The following NAA35 variants were observed in gnomAD, a reference collection of about 807,000 sequenced individuals.
The protein encoded by NAA35 is MAK10 homolog, amino-acid N-acetyltransferase subunit.
NAA35 carries 18 observed loss-of-function variants against 101.7 expected under a neutral mutation model. The ratio of observed to expected loss-of-function variants is 0.18; its 90% confidence interval spans 0.12 to 0.26. NAA35 has a LOEUF of 0.26. Ranked by LOEUF, NAA35 falls within the 10% of genes least tolerant of loss-of-function variation. NAA35 has a pLI of 1.00. For missense variants in NAA35, 601 were observed against 886.8 expected, an observed-to-expected ratio of 0.68 and a Z score of 4.09; for synonymous variants, 267 against 273.1, an observed-to-expected ratio of 0.98 and a Z score of 0.22.
chr9:86,006,776 A>G (rs1294486753), intron 13 of NAA35, among the ~76,000 whole-genome samples: 1 of 152,202 alleles, frequency 6.6e-6, no homozygotes, highest in Admixed American at 6.5e-5. Flanking sequence ...TAACTGTACA[A>G]CAAACATGTA....
intron 6 of NAA35, among the ~76,000 whole-genome samples, chr9:85,963,523 C>T (rs1469378578): frequency 6.6e-6 from 1 of 151,998 alleles, no homozygotes; most frequent in East Asian, 1.9e-4. Context: ...CCTGCCTCAG[C>T]CTCCCAAAGT....
intron 11 of NAA35, among the ~76,000 whole-genome samples, chr9:85,985,083 G>A (rs1830592691): frequency 6.6e-6 from 1 of 152,192 alleles, no homozygotes; most frequent in Admixed American, 6.5e-5. Flanking sequence ...TCAGGGAAAT[G>A]CAAATCAAAA....
At position 86,001,838 on chromosome 9, in the gene NAA35, T is replaced by A. The variant is rs574866847; in HGVS notation, c.1057-1747T>A. 1.2e-3 allele frequency among the ~76,000 whole-genome samples: 189 copies of A among 152,288 alleles called. 4 individuals carry two copies. The South Asian group carries it at 0.033, about 27-fold the overall frequency. On this transcript the variant is annotated intron_variant, in intron 12 of 22. Coordinates refer to ENST00000361671, the MANE Select transcript of NAA35 (RefSeq NM_024635.4). ...TTTTTATCCAGCTTGTCACTCTGTT[T>A]CTTAAGTGGGCCATTTAGCCCGTTT...
chr9:86,017,424 G>C, intron 18 of NAA35, 74 bp from the exon 19 acceptor site: 1 of 1,357,770 alleles, frequency 7.4e-7, no homozygotes, highest in Non-Finnish European at 1.0e-6. Context: ...TTTAAAATTA[G>C]ATTTTCTTTT....
At chr9:85,941,581 G>T (rs985769476) in intron 1 of NAA35, 18 of 986,002 alleles carry the variant, frequency 1.8e-5, no homozygotes, top group Non-Finnish European at 2.2e-5. Context: ...GGGCAGGGCG[G>T]AAGGGAAGCG....
chr9:85,995,615 A>G (rs1307680655), intron 11 of NAA35, among the ~76,000 whole-genome samples: 1 of 152,114 alleles, frequency 6.6e-6, no homozygotes, highest in Non-Finnish European at 1.5e-5. Context: ...CTTTAATTTT[A>G]TCTTTAATTG....
chr9:85,976,639 A>G, intron 8 of NAA35, 46 bp from the exon 9 acceptor site: 1 of 1,382,340 alleles, frequency 7.2e-7, no homozygotes, highest in East Asian at 2.4e-5. Flanking sequence ...TTGTAATGTA[A>G]TATTTTTTCA....
At chr9:86,014,130 A>G (rs530267220) in intron 17 of NAA35, among the ~76,000 whole-genome samples, 2 of 152,334 alleles carry the variant, frequency 1.3e-5, no homozygotes, top group African/African-American at 4.8e-5. Flanking sequence ...AATGACTCCA[A>G]AGTAAATGGA....
chr9:85,981,205 C>A (rs1402327941), intron 11 of NAA35, among the ~76,000 whole-genome samples: 2 of 151,974 alleles, frequency 1.3e-5, no homozygotes, highest in African/African-American at 2.4e-5. Context: ...GCATTCTGTA[C>A]CATAGGACAT....
chr9:85,956,836 G>A (rs113357140), intron 3 of NAA35, among the ~76,000 whole-genome samples: 16 of 152,198 alleles, frequency 1.1e-4, no homozygotes, highest in African/African-American at 3.9e-4. Context: ...ATACAATTCT[G>A]ATGACTGGAA....
intron 2 of NAA35, 128 bp downstream of exon 2, chr9:85,942,411 T>G: frequency 6.5e-6 from 8 of 1,235,854 alleles, no homozygotes; most frequent in Non-Finnish European, 9.1e-6. Flanking sequence ...TTAGCCACAC[T>G]TATTCTGTAT....
At chr9:85,966,367 A>G (rs912914564) in intron 6 of NAA35, among the ~76,000 whole-genome samples, 26 of 152,202 alleles carry the variant, frequency 1.7e-4, no homozygotes, top group African/African-American at 6.3e-4. Context: ...ATACAAAGAT[A>G]AGACAATTTT....
rs1564329021 is a variant in NAA35, at chr9:86,016,641, C to A, written c.1671C>A (p.Gly557=). ...GGATAATGGAAGAGCAGCAGAAAGG[C>A]CGTAGTAGTAAAAAAACAAAGAAAA... The part of the protein sequence containing the change: ...EERIMEEQQK[G]RSSKKTKKKK... Residue 557 remains glycine (G), a synonymous_variant, in exon 18 of 23, where the codon GGC becomes GGA. Transcript: ENST00000361671. The A allele has an allele frequency of 1.2e-6, 2 of 1,613,440 alleles. No homozygotes were observed. Among genetic ancestry groups the A allele is most frequent in the Non-Finnish European group, 1.7e-6 (2 of 1,179,902 alleles).
At position 86,024,294 on chromosome 9, in the gene NAA35, G is replaced by A. The variant is rs1407295514; in HGVS notation, c.*2334G>A. ...CCCAGACAGAATGTGCACAGGCTTG[G>A]AGGGGAGAGGGTAGCAGCCTGGCCG... On this transcript the variant is annotated 3_prime_UTR_variant, in exon 23 of 23. Coordinates refer to ENST00000361671, the MANE Select transcript of NAA35 (RefSeq NM_024635.4). Among the ~76,000 whole-genome samples, 1 of 152,224 alleles carries A rather than the reference G, an allele frequency of 6.6e-6. No individual in the cohort carries two copies. The highest frequency in any genetic ancestry group is 1.5e-5 in the Non-Finnish European group (1 of 68,050).
At chr9:85,952,434 C>T (rs1332451087) in intron 2 of NAA35, among the ~76,000 whole-genome samples, 2 of 151,826 alleles carry the variant, frequency 1.3e-5, no homozygotes, top group Non-Finnish European at 2.9e-5. Flanking sequence ...TACAGGCGCA[C>T]ACCACCATGC....
intron 12 of NAA35, among the ~76,000 whole-genome samples, chr9:86,001,444 T>C (rs887288995): frequency 3.3e-5 from 5 of 152,180 alleles, no homozygotes; most frequent in Admixed American, 3.3e-4. Context: ...TCTTTGTTAA[T>C]TTTTTGTCTC....
chr9:85,968,280 G>C (rs1053607267), intron 6 of NAA35, among the ~76,000 whole-genome samples: 1 of 152,010 alleles, frequency 6.6e-6, no homozygotes, highest in African/African-American at 2.4e-5. Flanking sequence ...GCGCTATCTC[G>C]GCTCACTGCA....
intron 11 of NAA35, among the ~76,000 whole-genome samples, chr9:85,984,222 G>A (rs1003179018): frequency 2.0e-5 from 3 of 152,048 alleles, no homozygotes; most frequent in Non-Finnish European, 4.4e-5. Flanking sequence ...CTAGCTACTC[G>A]GGAGATTGAA....
intron 2 of NAA35, among the ~76,000 whole-genome samples, chr9:85,952,421 G>A (rs2118299335): frequency 6.6e-6 from 1 of 151,876 alleles, no homozygotes; most frequent in South Asian, 2.1e-4. Flanking sequence ...GAGTAGCTGG[G>A]ATTACAGGCG....
Sources: gnomAD v4.1 joint callset for allele counts (sites outside exome capture counted in the v4.1 genomes callset) on GRCh38, gnomAD v4.1.1 for gene constraint, MANE v1.5 for transcripts, NCBI Gene and HGNC (gene_info 2026-07-23, HGNC 2026-07-21) for gene names.